The following CDADC1 variants were observed in gnomAD, a reference collection of about 807,000 sequenced individuals.
CDADC1 encodes cytidine and dCMP deaminase domain containing 1.
A neutral mutation model predicts 54.9 loss-of-function variants in CDADC1; 39 were observed. That is an observed-to-expected ratio of 0.71 (90% CI 0.55 to 0.93). The LOEUF (loss-of-function observed/expected upper bound fraction) is 0.93, where lower values mean the gene tolerates loss of function less well. Ranked by LOEUF, CDADC1 falls within the 40% of genes least tolerant of loss-of-function variation. CDADC1 has a pLI of 0.00. For synonymous variants in CDADC1, 186 were observed against 204.0 expected, an observed-to-expected ratio of 0.91 and a Z score of 0.75; for missense variants, 518 against 618.8, an observed-to-expected ratio of 0.84 and a Z score of 1.73.
chr13:49,265,744 G>T, intron 4 of CDADC1: 1 of 544,018 alleles, frequency 1.8e-6, no homozygotes. Context: ...ATAAATAAAA[G>T]CTTTTTGGAG....
intron 3 of CDADC1, among the ~76,000 whole-genome samples, chr13:49,258,325 C>G (rs1041751674): frequency 1.3e-5 from 2 of 152,212 alleles, no homozygotes; most frequent in Non-Finnish European, 2.9e-5. Context: ...CCAAGCTCCC[C>G]TCATGTAACA....
intron 4 of CDADC1, among the ~76,000 whole-genome samples, chr13:49,260,967 G>A (rs1330542968): frequency 3.9e-5 from 6 of 152,152 alleles, no homozygotes; most frequent in Admixed American, 1.3e-4. Flanking sequence ...CACATTCCTG[G>A]TCAGGGGGAA....
intron 8 of CDADC1, among the ~76,000 whole-genome samples, chr13:49,282,269 T>C (rs924752919): frequency 5.4e-5 from 8 of 147,986 alleles, no homozygotes; most frequent in Admixed American, 4.0e-4. Context: ...TTTGTTTTTG[T>C]TTTGAGACAG....
chr13:49,285,052 G>C (rs901575461), intron 8 of CDADC1, among the ~76,000 whole-genome samples: 2 of 152,102 alleles, frequency 1.3e-5, no homozygotes, highest in African/African-American at 4.8e-5. Context: ...ATGAAATACA[G>C]TAATCAGAGG....
intron 3 of CDADC1, among the ~76,000 whole-genome samples, chr13:49,257,940 C>T (rs1952586548): frequency 6.6e-6 from 1 of 152,178 alleles, no homozygotes; most frequent in Non-Finnish European, 1.5e-5. Flanking sequence ...TTCACAAATT[C>T]AAGGTCAATT....
At chr13:49,264,555 CAAAAAAAAAA>C (rs140774111) in intron 4 of CDADC1, among the ~76,000 whole-genome samples, 10 of 103,848 alleles carry the variant, frequency 9.6e-5, no homozygotes, top group South Asian at 3.6e-4. Flanking sequence ...CCATCTCTAC[CAAAAAAAAAA>C]AAAAAAAAAG....
intron 4 of CDADC1, among the ~76,000 whole-genome samples, chr13:49,264,234 G>A (rs1459062185): frequency 1.3e-5 from 2 of 152,146 alleles, no homozygotes; most frequent in African/African-American, 4.8e-5. Context: ...TTTCCTAACT[G>A]TGATGGTGCT....
intron 5 of CDADC1, among the ~76,000 whole-genome samples, chr13:49,271,972 T>C (rs1952976114): frequency 6.6e-6 from 1 of 152,258 alleles, no homozygotes; most frequent in Non-Finnish European, 1.5e-5. Context: ...AATTTATTCC[T>C]ATTTTAAAAG....
rs369638344 is a variant in CDADC1 at position 49,267,957 on chromosome 13, C to G, written c.898C>G (p.Arg300Gly). The change falls in exon 5 of 10, where the codon CGT becomes GGT. Residue 300 changes from arginine to glycine, a missense_variant. Coordinates refer to ENST00000251108, the MANE Select transcript of CDADC1 (RefSeq NM_030911.4). ...VPNFKHFGFYRSNPEQINEIH... is the reference protein window; with the variant it reads ...VPNFKHFGFYGSNPEQINEIH... ...GAACTTTAAACACTTCGGATTTTAC[C>G]GTAGCAATCCAGAACAGATTAATGA... The G allele has an allele frequency of 2.5e-6, 4 of 1,614,020 alleles. No individual in the cohort carries two copies. The highest frequency in any genetic ancestry group is 1.1e-5 in the South Asian group (1 of 91,076).
intron 6 of CDADC1, 142 bp downstream of exon 6, chr13:49,274,482 T>C (rs894819909): frequency 2.0e-6 from 1 of 490,800 alleles, no homozygotes; most frequent in Non-Finnish European, 3.7e-6. Context: ...GCTAACACAA[T>C]GAAACCCCAT....
intron 8 of CDADC1, among the ~76,000 whole-genome samples, chr13:49,282,070 G>T (rs902475264): frequency 6.6e-6 from 1 of 151,940 alleles, no homozygotes; most frequent in Non-Finnish European, 1.5e-5. Context: ...CACCGGCCTC[G>T]GCCACCCAAA....
Position 49,247,970 on chromosome 13 carries a change from G to T in CDADC1, c.-68G>T. The T allele has an allele frequency of 1.4e-6, 2 of 1,409,136 alleles. No homozygotes were observed. The highest frequency in any genetic ancestry group is 2.0e-6 in the Non-Finnish European group (2 of 1,018,888). The allele number at this position is 1,409,136 out of a possible 1,614,324, so 87.3% of individuals were successfully genotyped here. On this transcript the variant is annotated 5_prime_UTR_variant, in exon 1 of 10. Coordinates refer to ENST00000251108, the MANE Select transcript of CDADC1 (RefSeq NM_030911.4). ...TTGCTGAGAGGAGGCGAGAGGCGGGGGCGCTAGGGCCGAGATCATGTCTGA... is the reference window on the plus strand; with the variant it reads ...TTGCTGAGAGGAGGCGAGAGGCGGGTGCGCTAGGGCCGAGATCATGTCTGA...
intron 8 of CDADC1, among the ~76,000 whole-genome samples, chr13:49,284,335 G>A (rs1953444567): frequency 6.6e-6 from 1 of 152,164 alleles, no homozygotes; most frequent in South Asian, 2.1e-4. Flanking sequence ...CAATTAACAT[G>A]TTGCTGTATT....
Position 49,267,995 on chromosome 13 carries a change from A to C in CDADC1, c.936A>C (p.Gln312His). The part of the protein sequence containing the change: ...NPEQINEIHN[Q>H]SLPQEIARHC... ...AACAGATTAATGAAATTCACAATCA[A>C]AGTTTGCCACAGGAAATTGCAAGGC... Residue 312 changes from glutamine to histidine, a missense_variant, in exon 5 of 10, where the codon CAA becomes CAC. Coordinates refer to ENST00000251108, the MANE Select transcript of CDADC1 (RefSeq NM_030911.4). The C allele has an allele frequency of 6.2e-7, 1 of 1,614,064 alleles. No individual in the cohort carries two copies. Among genetic ancestry groups the C allele is most frequent in the Middle Eastern group, 1.6e-4 (1 of 6,062 alleles).
At chr13:49,255,327 C>T (rs939379654) in intron 2 of CDADC1, among the ~76,000 whole-genome samples, 5 of 152,190 alleles carry the variant, frequency 3.3e-5, no homozygotes, top group African/African-American at 1.2e-4. Context: ...GTGGTTAGTG[C>T]CTCAGTTCCA....
At chr13:49,257,004 G>A (rs974375583) in intron 3 of CDADC1, among the ~76,000 whole-genome samples, 12 of 152,160 alleles carry the variant, frequency 7.9e-5, no homozygotes, top group Admixed American at 2.0e-4. Context: ...AAATGTTAGC[G>A]AAGTGAGGCA....
intron 4 of CDADC1, among the ~76,000 whole-genome samples, chr13:49,264,920 T>G (rs1298230141): frequency 1.3e-5 from 2 of 152,224 alleles, no homozygotes; most frequent in East Asian, 3.8e-4. Flanking sequence ...AAACTGAGGC[T>G]GGGAGACATT....
intron 4 of CDADC1, among the ~76,000 whole-genome samples, chr13:49,264,252 AC>A (rs1175529413): frequency 6.6e-6 from 1 of 152,234 alleles, no homozygotes; most frequent in African/African-American, 2.4e-5. Flanking sequence ...GCTTTAGGCA[AC>A]TTCGGAGAAT....
intron 6 of CDADC1, among the ~76,000 whole-genome samples, chr13:49,275,732 G>T (rs1211411318): frequency 0.016 from 181 of 11,236 alleles, 6 homozygotes; most frequent in Middle Eastern, 0.12. Context: ...TATATAGAGA[G>T]AGAGAGAGAG....
Sources: gnomAD v4.1 joint callset for allele counts (sites outside exome capture counted in the v4.1 genomes callset) on GRCh38, gnomAD v4.1.1 for gene constraint, MANE v1.5 for transcripts, NCBI Gene and HGNC (gene_info 2026-07-23, HGNC 2026-07-21) for gene names.